Variants in STUM observed in about 807,000 individuals in gnomAD.
STUM encodes stum, mechanosensory transduction mediator homolog, also known as protein stum homolog.
In STUM, 8 loss-of-function variants were observed where a neutral mutation model predicts 15.3. The ratio of observed to expected loss-of-function variants is 0.52; its 90% confidence interval spans 0.31 to 0.94. The LOEUF (loss-of-function observed/expected upper bound fraction) is 0.94, where lower values mean the gene tolerates loss of function less well. STUM is among the 40% of genes least tolerant of loss of function. STUM has a pLI of 0.05. For missense variants in STUM, 142 were observed against 204.9 expected, an observed-to-expected ratio of 0.69 and a Z score of 1.87; for synonymous variants, 78 against 88.7, an observed-to-expected ratio of 0.88 and a Z score of 0.68.
At chr1:226,587,175 G>A (rs528316) in intron 1 of STUM, among the ~76,000 whole-genome samples, 110,881 of 152,020 alleles carry the variant, frequency 0.73, 40,982 homozygotes, top group African/African-American at 0.85. Context: ...GGGCAGAGGA[G>A]GTTTGCTAAT....
intron 1 of STUM, among the ~76,000 whole-genome samples, chr1:226,556,011 T>C (rs978178239): frequency 3.3e-5 from 5 of 152,244 alleles, no homozygotes; most frequent in Admixed American, 2.0e-4. Flanking sequence ...AGATATATTT[T>C]CTTTTTTGCA....
chr1:226,590,972 C>T (rs1241817600), intron 1 of STUM, among the ~76,000 whole-genome samples: 1 of 152,200 alleles, frequency 6.6e-6, no homozygotes, highest in Non-Finnish European at 1.5e-5. Flanking sequence ...GTGGCAAGTT[C>T]CCATCACCTG....
At chr1:226,578,789 C>T (rs576396205) in intron 1 of STUM, among the ~76,000 whole-genome samples, 1 of 152,286 alleles carries the variant, frequency 6.6e-6, no homozygotes, top group South Asian at 2.1e-4. Context: ...GCAGCTGGGC[C>T]TTGGAAGGCC....
intron 1 of STUM, among the ~76,000 whole-genome samples, chr1:226,560,166 C>T (rs1667517845): frequency 6.6e-6 from 1 of 152,158 alleles, no homozygotes; most frequent in Non-Finnish European, 1.5e-5. Flanking sequence ...CAAAAAAACA[C>T]ACAAAGTATA....
intron 1 of STUM, among the ~76,000 whole-genome samples, chr1:226,557,324 A>G (rs1667462257): frequency 6.6e-6 from 1 of 152,198 alleles, no homozygotes; most frequent in African/African-American, 2.4e-5. Flanking sequence ...TTAAGGCTGA[A>G]TATTTATATA....
rs1668250932 is a variant in STUM, at chr1:226,600,734, G to A, written c.391+60G>A. ...GCTGCTTGGGGCCCTCCCCTCCCCC[G>A]AGACCCCCACTCCTGCACACAAACA... On this transcript the variant is annotated intron_variant, in intron 3 of 3. Transcript: ENST00000366788. The surrounding 1 kb of genome is among the most constrained non-coding windows in gnomAD (Gnocchi z 5.2). 1.0e-5 allele frequency: 16 copies of A among 1,583,898 alleles called. No individual in the cohort carries two copies. In the East Asian group the frequency reaches 1.6e-4, roughly 16 times the overall value.
intron 1 of STUM, among the ~76,000 whole-genome samples, chr1:226,581,730 A>G (rs915044866): frequency 6.6e-5 from 10 of 152,166 alleles, no homozygotes; most frequent in African/African-American, 2.4e-4. Flanking sequence ...AGCTGAGAAG[A>G]GTCAGTGGAT....
In STUM at chr1:226,549,911, A is replaced by C. The variant is rs1314390637; in HGVS notation, c.202+805A>C. ...CAGAGGCCCCTTACAGAGATGGTGC[A>C]GGAGGGTGAATGGAGGCAGGGAATG... On this transcript the variant is annotated intron_variant, in intron 1 of 3. Coordinates refer to ENST00000366788, the MANE Select transcript of STUM (RefSeq NM_001003665.4). The surrounding 1 kb of genome is among the most constrained non-coding windows in gnomAD (Gnocchi z 6.8). Among the ~76,000 whole-genome samples the C allele has an allele frequency of 6.6e-6, 1 of 152,190 alleles. No individual in the cohort carries two copies. Among genetic ancestry groups the C allele is most frequent in the East Asian group, 1.9e-4 (1 of 5,192 alleles).
intron 1 of STUM, among the ~76,000 whole-genome samples, chr1:226,583,721 A>G (rs1667952100): frequency 6.6e-6 from 1 of 152,064 alleles, no homozygotes; most frequent in Non-Finnish European, 1.5e-5. Context: ...TTCCTATAGC[A>G]TGGCTGCAGT....
At chr1:226,559,078 T>C (rs543907816) in intron 1 of STUM, among the ~76,000 whole-genome samples, 29 of 152,200 alleles carry the variant, frequency 1.9e-4, no homozygotes, top group African/African-American at 6.5e-4. Flanking sequence ...ATAAATTACA[T>C]TGATGAAGTA....
intron 1 of STUM, among the ~76,000 whole-genome samples, chr1:226,576,962 G>A (rs1313354235): frequency 1.3e-5 from 2 of 152,204 alleles, no homozygotes; most frequent in African/African-American, 2.4e-5. Flanking sequence ...AGCAAACATA[G>A]CTACCCACAC....
intron 1 of STUM, among the ~76,000 whole-genome samples, chr1:226,562,828 C>A (rs1029935079): frequency 1.3e-5 from 2 of 152,106 alleles, no homozygotes; most frequent in Admixed American, 1.3e-4. Context: ...ATTATTGAGA[C>A]AATTGACAAA....
intron 1 of STUM, among the ~76,000 whole-genome samples, chr1:226,578,604 C>T (rs1306816048): frequency 6.6e-6 from 1 of 152,166 alleles, no homozygotes; most frequent in Admixed American, 6.5e-5. Flanking sequence ...CTCAAGCACT[C>T]CTCCCACCTT....
At chr1:226,558,038 C>T (rs186371097) in intron 1 of STUM, among the ~76,000 whole-genome samples, 10 of 152,284 alleles carry the variant, frequency 6.6e-5, no homozygotes, top group African/African-American at 1.9e-4. Flanking sequence ...TTATACTCAA[C>T]GTGAAAAGTT....
At chr1:226,558,432 T>C (rs138564236) in intron 1 of STUM, among the ~76,000 whole-genome samples, 17 of 152,242 alleles carry the variant, frequency 1.1e-4, no homozygotes, top group South Asian at 4.2e-4. Context: ...CTCAATTCCA[T>C]GCAGCACATG....
chr1:226,559,832 G>A (rs1667508483), intron 1 of STUM, among the ~76,000 whole-genome samples: 1 of 152,172 alleles, frequency 6.6e-6, no homozygotes, highest in South Asian at 2.1e-4. Context: ...AATTAGCCGG[G>A]CATGGTGGCG....
rs1668379772 is a variant in STUM, at chr1:226,607,367, G to C, written c.*5327G>C. On this transcript the variant is annotated 3_prime_UTR_variant, in exon 4 of 4. Coordinates refer to ENST00000366788, the MANE Select transcript of STUM (RefSeq NM_001003665.4). ...GATTCTTCCCCAAACGTTCCCTTGT[G>C]GCCCAAGAGTGAGTTCCGGCCTGAG... 6.6e-6 allele frequency: 1 copy of C among 152,250 alleles called. No individual in the cohort carries two copies. The highest frequency in any genetic ancestry group is 2.1e-4 in the South Asian group (1 of 4,832). 9.4% of individuals were successfully genotyped at this position (152,250 alleles called of 1,614,324 possible). A position where few individuals can be genotyped will look rare whatever the true frequency, so the allele number is the denominator to read the frequency against.
At chr1:226,553,121 G>A (rs1197512294) in intron 1 of STUM, among the ~76,000 whole-genome samples, 1 of 152,198 alleles carries the variant, frequency 6.6e-6, no homozygotes, top group African/African-American at 2.4e-5. Flanking sequence ...AACCAAGAAA[G>A]GAGATATGAG....
At chr1:226,595,043 T>C (rs560680343) in intron 1 of STUM, among the ~76,000 whole-genome samples, 28 of 152,204 alleles carry the variant, frequency 1.8e-4, no homozygotes, top group South Asian at 4.1e-4. Flanking sequence ...GCTGCAGAGC[T>C]GGAGAAGCTA....
Sources: allele counts gnomAD v4.1 joint callset (sites outside exome capture counted in the v4.1 genomes callset), GRCh38; gene constraint gnomAD v4.1.1; non-coding constraint Gnocchi (gnomAD v3.1); transcripts MANE v1.5; gene names NCBI Gene and HGNC (gene_info 2026-07-23, HGNC 2026-07-21).